The following RAPGEF5 variants were observed in gnomAD, a reference collection of about 807,000 sequenced individuals.
RAPGEF5 encodes the protein Rap guanine nucleotide exchange factor 5.
Under a neutral mutation model 125.2 loss-of-function variants are expected in RAPGEF5, and 65 were observed. The ratio of observed to expected loss-of-function variants is 0.52; its 90% CI spans 0.43 to 0.64. RAPGEF5 has a LOEUF of 0.64. RAPGEF5 is among the 30% of genes least tolerant of loss of function. The pLI is 0.00. For missense variants in RAPGEF5, 958 were observed against 1,048.1 expected, an observed-to-expected ratio of 0.91 and a Z score of 1.19; for synonymous variants, 391 against 385.9, an observed-to-expected ratio of 1.01 and a Z score of -0.16.
chr7:22,130,915 T>C (rs1782895921), intron 24 of RAPGEF5, 122 bp downstream of exon 24: 1 of 1,345,378 alleles, frequency 7.4e-7, no homozygotes, highest in Non-Finnish European at 1.0e-6. Context: ...GCAAATAAGC[T>C]CCTTGAATTC....
intron 7 of RAPGEF5, among the ~76,000 whole-genome samples, chr7:22,243,202 A>G (rs1429854206): frequency 1.3e-5 from 2 of 152,192 alleles, no homozygotes; most frequent in East Asian, 3.9e-4. Flanking sequence ...AGACTGTCAA[A>G]TAACGAAACT....
intron 1 of RAPGEF5, among the ~76,000 whole-genome samples, chr7:22,352,380 T>C (rs888652615): frequency 6.7e-6 from 1 of 149,048 alleles, no homozygotes; most frequent in Non-Finnish European, 1.5e-5. Flanking sequence ...CTAAGAAAGG[T>C]AAAAGATGGG....
At position 22,122,399 on chromosome 7, in the gene RAPGEF5, G is replaced by A. The variant is rs780304220; in HGVS notation, c.*7C>T. 4 of 1,603,172 alleles carry A rather than the reference G, an allele frequency of 2.5e-6. No homozygotes were observed. The highest frequency in any genetic ancestry group is 3.4e-6 in the Non-Finnish European group (4 of 1,170,674). ...CTGCAGATACAGGGGAGGTGAGGCA[G>A]TGGGGCTCACACCCGAGGCTCGATC... is the stretch of plus-strand genomic sequence containing the variant. On this transcript the variant is annotated 3_prime_UTR_variant, in exon 26 of 26. Transcript: ENST00000665637.
intron 6 of RAPGEF5, among the ~76,000 whole-genome samples, chr7:22,276,732 G>T (rs1403426429): frequency 3.3e-5 from 5 of 152,220 alleles, no homozygotes; most frequent in African/African-American, 1.2e-4. Context: ...CTTGAGAGAA[G>T]CTGTAGTTTC....
chr7:22,170,438 C>T lies in RAPGEF5; in HGVS notation c.1205-3290G>A, dbSNP rs548314818. 2.6e-5 allele frequency among the ~76,000 whole-genome samples: 4 copies of T among 152,306 alleles called. No homozygotes were observed. In the East Asian group the frequency reaches 7.7e-4, roughly 29 times the overall value. On this transcript the variant is annotated intron_variant, in intron 11 of 25. Coordinates refer to ENST00000665637, the MANE Select transcript of RAPGEF5 (RefSeq NM_012294.5). ...CCAGTGCGCAGAAACCATTGGGTGA[C>T]AGCACTGAGAGGGAGTTGGCATTTA...
In RAPGEF5 at chr7:22,291,206, C is replaced by G; in HGVS notation, c.716G>C (p.Ser239Thr). Reference sequence around the variant, plus strand: ...TGTTAGACGCACAAGAATTTCATCACTGCTTTCTTCGGAGTCTTCAATTTT... The same window carrying G: ...TGTTAGACGCACAAGAATTTCATCAGTGCTTTCTTCGGAGTCTTCAATTTT... ...HQKIEDSEES[S>T]DEILVRLTSA... Residue 239 changes from serine (S) to threonine (T), a missense_variant, in exon 6 of 26, where the codon AGT becomes ACT. Physicochemically the swap from Ser to Thr is moderately conservative, Grantham distance 58 (BLOSUM62 1). Transcript: ENST00000665637. 6.3e-7 allele frequency: 1 copy of G among 1,582,562 alleles called. No individual in the cohort carries two copies. Among genetic ancestry groups the G allele is most frequent in the East Asian group, 2.3e-5 (1 of 44,090 alleles).
At chr7:22,246,924 AACAG>A (rs1472870481) in intron 7 of RAPGEF5, among the ~76,000 whole-genome samples, 4 of 152,350 alleles carry the variant, frequency 2.6e-5, no homozygotes. Context: ...AAAATACGTG[AACAG>A]ACACTTTTCA....
intron 8 of RAPGEF5, among the ~76,000 whole-genome samples, chr7:22,229,152 T>A (rs568967760): frequency 3.5e-4 from 53 of 152,246 alleles, no homozygotes; most frequent in African/African-American, 1.3e-3. Flanking sequence ...CAACTCTAAA[T>A]GCTCTCTTCA....
intron 7 of RAPGEF5, among the ~76,000 whole-genome samples, chr7:22,242,931 GA>G (rs1172935137): frequency 7.8e-6 from 1 of 128,436 alleles, no homozygotes; most frequent in Non-Finnish European, 1.6e-5. Context: ...TAGGCAACAA[GA>G]GTGAAACTCC....
chr7:22,335,451 C>T (rs1784007468), intron 1 of RAPGEF5, among the ~76,000 whole-genome samples: 1 of 152,126 alleles, frequency 6.6e-6, no homozygotes, highest in African/African-American at 2.4e-5. Context: ...TCTTCTACCT[C>T]ATCTTCCCAC....
intron 7 of RAPGEF5, among the ~76,000 whole-genome samples, chr7:22,254,322 A>G (rs1348338290): frequency 6.6e-6 from 1 of 152,006 alleles, no homozygotes; most frequent in Non-Finnish European, 1.5e-5. Context: ...AAGAAAAAAA[A>G]AAAAGGCCGG....
At chr7:22,264,413 G>A (rs1427360304) in intron 7 of RAPGEF5, among the ~76,000 whole-genome samples, 1 of 152,198 alleles carries the variant, frequency 6.6e-6, no homozygotes, top group South Asian at 2.1e-4. Flanking sequence ...AAACAGACAT[G>A]CTAATATCAT....
At chr7:22,313,449 C>T (rs1316932568) in intron 3 of RAPGEF5, among the ~76,000 whole-genome samples, 1 of 152,216 alleles carries the variant, frequency 6.6e-6, no homozygotes. Context: ...TAGGTAATCA[C>T]ATGAGCACTT....
intron 9 of RAPGEF5, 110 bp from the exon 10 acceptor site, chr7:22,194,143 A>G (rs1785091925): frequency 5.5e-6 from 5 of 905,398 alleles, no homozygotes; most frequent in Admixed American, 2.3e-5. Flanking sequence ...GTTGCTTTAC[A>G]GTATCATCTC....
chr7:22,333,508 T>G (rs1023630651), intron 1 of RAPGEF5, among the ~76,000 whole-genome samples: 12 of 152,220 alleles, frequency 7.9e-5, no homozygotes, highest in African/African-American at 2.9e-4. Flanking sequence ...GAGCCAAATT[T>G]AAAGAATGAA....
intron 7 of RAPGEF5, 68 bp downstream of exon 7, chr7:22,266,896 A>G: frequency 6.8e-7 from 1 of 1,464,476 alleles, no homozygotes; most frequent in Admixed American, 1.7e-5. Flanking sequence ...ACTGCACACT[A>G]CCAGATGATA....
At chr7:22,256,345 C>T (rs1429364847) in intron 7 of RAPGEF5, among the ~76,000 whole-genome samples, 1 of 152,054 alleles carries the variant, frequency 6.6e-6, no homozygotes, top group Non-Finnish European at 1.5e-5. Context: ...ATAAAATAGT[C>T]CCAAGGTTGT....
intron 5 of RAPGEF5, among the ~76,000 whole-genome samples, chr7:22,297,700 A>T (rs1783096119): frequency 6.6e-6 from 1 of 152,230 alleles, no homozygotes; most frequent in African/African-American, 2.4e-5. Context: ...TATGTATATA[A>T]CTATGTCATC....
At position 22,234,869 on chromosome 7, in the gene RAPGEF5, C is replaced by G. The variant is rs185915426; in HGVS notation, c.797-3950G>C. On this transcript the variant is annotated intron_variant, in intron 7 of 25. Transcript: ENST00000665637. ...ACAAAAAACAACTCTGTCAGTAACT[C>G]TATTATAATAATAATACTTAAACAC... is the stretch of plus-strand genomic sequence containing the variant. Among the ~76,000 whole-genome samples, 633 of 150,546 alleles carry G rather than the reference C, an allele frequency of 4.2e-3. 6 individuals carry two copies. Among genetic ancestry groups the G allele is most frequent in the African/African-American group, 0.014 (599 of 41,428 alleles).
Sources: gnomAD v4.1 joint callset for allele counts (sites outside exome capture counted in the v4.1 genomes callset) on GRCh38, gnomAD v4.1.1 for gene constraint, MANE v1.5 for transcripts, NCBI Gene and HGNC (gene_info 2026-07-23, HGNC 2026-07-21) for gene names.